CFAP221: variants seen among roughly 807,000 people sequenced by gnomAD.
The protein encoded by CFAP221 is cilia- and flagella-associated protein 221.
In CFAP221, 97 loss-of-function variants were observed where a neutral mutation model predicts 113.1. The observed-to-expected ratio is 0.86, with a 90% CI of 0.73 to 1.02. The LOEUF (loss-of-function observed/expected upper bound fraction) is 1.02. CFAP221 is among the 50% of genes least tolerant of loss of function. The probability of loss-of-function intolerance (pLI) is 0.00; values close to 1 mark genes in which losing one functional copy is unlikely to be tolerated. For synonymous variants in CFAP221, 331 were observed against 354.4 expected, an observed-to-expected ratio of 0.93 and a Z score of 0.74; for missense variants, 1,025 against 1,013.4, an observed-to-expected ratio of 1.01 and a Z score of -0.16.
At chr2:119,621,494 A>G (rs1248359449) in intron 14 of CFAP221, among the ~76,000 whole-genome samples, 1 of 152,164 alleles carries the variant, frequency 6.6e-6, no homozygotes, top group Non-Finnish European at 1.5e-5. Context: ...GGGACAGAAA[A>G]TTAACAAGGA....
intron 6 of CFAP221, among the ~76,000 whole-genome samples, chr2:119,585,259 G>A (rs1428277463): frequency 1.3e-5 from 2 of 152,204 alleles, no homozygotes; most frequent in Non-Finnish European, 2.9e-5. Flanking sequence ...ACATATGTAA[G>A]TAGTAATATT....
chr2:119,610,821 A>G (rs939761355), intron 12 of CFAP221, among the ~76,000 whole-genome samples: 3 of 152,186 alleles, frequency 2.0e-5, no homozygotes, highest in Non-Finnish European at 2.9e-5. Flanking sequence ...GTTACCCAAC[A>G]AACAATTAAT....
At position 119,584,804 on chromosome 2, in the gene CFAP221, T is replaced by G. The variant is rs1297024466; in HGVS notation, c.528-2315T>G. Among the ~76,000 whole-genome samples, 5 of 152,340 alleles carry G rather than the reference T, an allele frequency of 3.3e-5. No homozygotes were observed. The East Asian group carries it at 9.6e-4, about 29-fold the overall frequency. On this transcript the variant is annotated intron_variant, in intron 6 of 23. Transcript: ENST00000413369. The stretch of plus-strand genomic sequence containing the variant: ...AGTTAAAATGCCTGAGAATCCTAAA[T>G]GTTGGTAAGCAATAGAAACTCTCCT...
Position 119,572,763 on chromosome 2 carries a change from A to C in CFAP221, c.527+10649A>C. On this transcript the variant is annotated intron_variant, in intron 6 of 23. Coordinates refer to ENST00000413369, the MANE Select transcript of CFAP221 (RefSeq NM_001271049.2). ...GATCTGGTGGCTGAAGATCTGGTAA[A>C]ATGATGCCATGGGCAAGGCCGCCAT... 5 of 547,392 alleles carry C rather than the reference A, an allele frequency of 9.1e-6. No individual in the cohort carries two copies. In the South Asian group the frequency reaches 1.4e-4, roughly 15 times the overall value. The allele number at this position is 547,392 out of a possible 1,614,324, so 33.9% of individuals were successfully genotyped here. A position where few individuals can be genotyped will look rare whatever the true frequency, so the allele number is the denominator to read the frequency against.
intron 14 of CFAP221, among the ~76,000 whole-genome samples, chr2:119,625,196 G>T (rs915925838): frequency 3.3e-5 from 5 of 152,156 alleles, no homozygotes; most frequent in Non-Finnish European, 1.5e-5. Context: ...CAGTGCTATT[G>T]CTGCAGAATC....
rs370548440 is a variant in CFAP221, at chr2:119,617,429, G to T, written c.1410+1720G>T. ...AGCACAAAGCTGTGCTCCCAGGGAG[G>T]AAAGCACAGCCATTGACAATAGAAA... On this transcript the variant is annotated intron_variant, in intron 14 of 23. Coordinates refer to ENST00000413369, the MANE Select transcript of CFAP221 (RefSeq NM_001271049.2). Among the ~76,000 whole-genome samples the T allele has an allele frequency of 6.8e-4, 104 of 152,346 alleles. No individual in the cohort carries two copies. In the South Asian group the frequency reaches 0.011, roughly 16 times the overall value.
intron 8 of CFAP221, 112 bp from the exon 9 acceptor site, chr2:119,604,560 T>A: frequency 2.0e-6 from 2 of 989,968 alleles, no homozygotes; most frequent in Non-Finnish European, 2.8e-6. Context: ...TTATTTTCAG[T>A]TTAGGTATAA....
intron 6 of CFAP221, chr2:119,572,529 TGC>T (rs1558924306): frequency 1.4e-6 from 1 of 699,244 alleles, no homozygotes; most frequent in Admixed American, 2.0e-5. Context: ...TAATTCATCA[TGC>T]TCTGTAGTTT....
Position 119,549,162 on chromosome 2 carries a change from GA to G in CFAP221, c.222del (p.Lys74AsnfsTer34), listed in dbSNP as rs1469346483. On this transcript the variant is annotated frameshift_variant, in exon 3 of 24. Transcript: ENST00000413369. LOFTEE classifies it high-confidence loss of function. ...GIIHFGGYQV[E>X]KQHQQILHLV... ...AATACATTTTGGAGGCTATCAAGTA[GA>G]AAAACAACACCAACAGATTCTGGTA... The G allele has an allele frequency of 2.0e-6, 3 of 1,534,008 alleles. No individual in the cohort carries two copies. The East Asian group carries it at 7.3e-5, about 38-fold the overall frequency.
Position 119,629,859 on chromosome 2 carries a change from TC to T in CFAP221, c.1651-14del. 1 of 1,593,354 alleles carries T rather than the reference TC, an allele frequency of 6.3e-7. No homozygotes were observed. Among genetic ancestry groups the T allele is most frequent in the Non-Finnish European group, 8.6e-7 (1 of 1,164,216 alleles). Reference sequence around the variant, plus strand: ...CAGTGGTGATTGTTCTCTTTTTTTCTCCTTTCACATTTTAGGCTCCTGATGG... The same window carrying T: ...CAGTGGTGATTGTTCTCTTTTTTTCTCTTTCACATTTTAGGCTCCTGATGG... On this transcript the variant is annotated splice_polypyrimidine_tract_variant and intron_variant, in intron 16 of 23. Transcript: ENST00000413369.
chr2:119,584,531 GA>G (rs1683070485), intron 6 of CFAP221, among the ~76,000 whole-genome samples: 1 of 151,926 alleles, frequency 6.6e-6, no homozygotes, highest in African/African-American at 2.4e-5. Flanking sequence ...AGGCTGCAGT[GA>G]GCTATGATTA....
At position 119,630,795 on chromosome 2, in the gene CFAP221, C is replaced by A; in HGVS notation, c.1868C>A (p.Pro623Gln). ...EDEVTTITAL[P>Q]KQDSTTQLSG... is the part of the protein sequence containing the mutation. The stretch of plus-strand genomic sequence containing the variant: ...GAAGTCACCACCATCACAGCCCTTC[C>A]GAAACAGGACTCCACAACTCAGCTC... The change falls in exon 19 of 24, where the codon CCG becomes CAG. Residue 623 changes from proline to glutamine, a missense_variant. Pro to Gln is a moderately conservative substitution (Grantham distance 76). Coordinates refer to ENST00000413369, the MANE Select transcript of CFAP221 (RefSeq NM_001271049.2). 1 of 1,612,444 alleles carries A rather than the reference C, an allele frequency of 6.2e-7. No homozygotes were observed. Among genetic ancestry groups the A allele is most frequent in the Non-Finnish European group, 8.5e-7 (1 of 1,178,618 alleles).
chr2:119,601,742 G>A (rs1433206276), intron 8 of CFAP221, among the ~76,000 whole-genome samples: 1 of 152,160 alleles, frequency 6.6e-6, no homozygotes, highest in Admixed American at 6.5e-5. Flanking sequence ...TTTCCATATA[G>A]CATTTTAATT....
intron 20 of CFAP221, among the ~76,000 whole-genome samples, chr2:119,639,073 CG>C (rs915122874): frequency 6.7e-6 from 1 of 148,572 alleles, no homozygotes; most frequent in African/African-American, 2.5e-5. Flanking sequence ...CTAACCACCC[CG>C]GGGGGGTGGG....
chr2:119,579,991 C>G (rs1682729891), intron 6 of CFAP221, among the ~76,000 whole-genome samples: 1 of 152,142 alleles, frequency 6.6e-6, no homozygotes, highest in African/African-American at 2.4e-5. Flanking sequence ...TTGGGCCTTT[C>G]AACACTTCAC....
chr2:119,659,554 C>T (rs1574255238), downstream of CFAP221, among the ~76,000 whole-genome samples: 1 of 152,408 alleles, frequency 6.6e-6, no homozygotes, highest in African/African-American at 2.4e-5. Flanking sequence ...CATGGGTACC[C>T]ACCCTTCCCA....
At chr2:119,563,506 A>G (rs1233941570) in intron 6 of CFAP221, among the ~76,000 whole-genome samples, 1 of 152,050 alleles carries the variant, frequency 6.6e-6, no homozygotes, top group Non-Finnish European at 1.5e-5. Context: ...TGAGTCCCCT[A>G]TCCCTCCACC....
At chr2:119,629,010 A>G (rs553889548) in intron 16 of CFAP221, among the ~76,000 whole-genome samples, 1 of 152,362 alleles carries the variant, frequency 6.6e-6, no homozygotes, top group Non-Finnish European at 1.5e-5. Context: ...ATTGAAAAAT[A>G]GAGCGCTCAG....
chr2:119,555,189 C>G (rs754667480), intron 3 of CFAP221, among the ~76,000 whole-genome samples: 2 of 152,052 alleles, frequency 1.3e-5, no homozygotes, highest in Non-Finnish European at 2.9e-5. Flanking sequence ...GAGTGGGAAG[C>G]GGTTCTGAAA....
Sources: allele counts gnomAD v4.1 joint callset (sites outside exome capture counted in the v4.1 genomes callset), GRCh38; gene constraint gnomAD v4.1.1; transcripts MANE v1.5; gene names NCBI Gene and HGNC (gene_info 2026-07-23, HGNC 2026-07-21).